Variants in PDE12 observed in about 807,000 individuals in gnomAD.
PDE12 encodes phosphodiesterase 12.
Under a neutral mutation model 45.4 loss-of-function variants are expected in PDE12, and 26 were observed. That is an observed-to-expected ratio of 0.57 (90% CI 0.42 to 0.79). The LOEUF is 0.79. Among genes scored for constraint, PDE12 ranks in the 30% least tolerant of loss-of-function variants. PDE12 has a pLI of 0.00. For synonymous variants in PDE12, 283 were observed against 323.9 expected (o/e 0.87, Z 1.36); for missense variants, 668 against 790.0 (o/e 0.85, Z 1.85).
At chr3:57,606,588 A>C in the PDE12 span, among the ~76,000 whole-genome samples, 10 of 152,294 alleles carry the variant, frequency 6.6e-5, no homozygotes, top group South Asian at 6.2e-4. Context: ...TTTAATTTAA[A>C]ACTTTTTTTA....
At chr3:57,608,219 C>A in the PDE12 span, among the ~76,000 whole-genome samples, 67 of 152,198 alleles carry the variant, frequency 4.4e-4, 1 homozygote, top group African/African-American at 4.3e-4. Flanking sequence ...GCCTGCCCTA[C>A]AAGAGCTCCT....
At chr3:57,652,139 C>A in the PDE12 span, among the ~76,000 whole-genome samples, 2 of 152,316 alleles carry the variant, frequency 1.3e-5, no homozygotes, top group South Asian at 4.1e-4. Flanking sequence ...CGTTCTTGAG[C>A]GCGGACTGGA....
At position 57,557,343 on chromosome 3, in the gene PDE12, G is replaced by C. The variant is rs769202759; in HGVS notation, c.964G>C (p.Ala322Pro). The part of the protein sequence containing the change: ...FSRTVLYPYC[A>P]PYALELDYRQ... ...GCGAACGGTTCTGTACCCATACTGT[G>C]CCCCCTACGCCCTGGAGCTCGACTA... Residue 322 changes from alanine (A) to proline (P), a missense_variant, in exon 1 of 3, where the codon GCC (alanine) becomes CCC (proline). Around this residue, in one of 3 missense-constraint regions of PDE12, gnomAD observed 580 missense variants for 662.9 expected, o/e 0.87. Transcript: ENST00000311180. 9.9e-6 allele frequency: 16 copies of C among 1,613,772 alleles called. No homozygotes were observed. The highest frequency in any genetic ancestry group is 1.3e-5 in the Non-Finnish European group (15 of 1,180,008).
At chr3:57,589,441 C>A in the PDE12 span, among the ~76,000 whole-genome samples, 121 of 151,938 alleles carry the variant, frequency 8.0e-4, 1 homozygote, top group East Asian at 0.022. Flanking sequence ...CAAACAAGGC[C>A]GGGCCCCGTG....
rs1287521854 is a variant in PDE12 at position 57,564,349 on chromosome 3, G to T, written c.*4345G>T. On this transcript the variant is annotated 3_prime_UTR_variant, in exon 3 of 3. Coordinates refer to ENST00000311180, the MANE Select transcript of PDE12 (RefSeq NM_177966.7). The stretch of plus-strand genomic sequence containing the variant: ...ATCCATGTTCATACTGTCAGTGTTA[G>T]ATTTTTACTCATAATTTAAAATTTC... The T allele has an allele frequency of 6.6e-6, 1 of 152,122 alleles. No individual in the cohort carries two copies. The highest frequency in any genetic ancestry group is 6.6e-5 in the Admixed American group (1 of 15,262). The allele number at this position is 152,122 out of a possible 1,614,324, so 9.4% of individuals were successfully genotyped here.
chr3:57,581,673 G>A, the PDE12 span, among the ~76,000 whole-genome samples: 2 of 152,164 alleles, frequency 1.3e-5, no homozygotes, highest in African/African-American at 4.8e-5. Context: ...GGTGGCGCAT[G>A]CCTGAAGTCC....
At chr3:57,577,503 AAAG>A in the PDE12 span, 5 of 789,618 alleles carry the variant, frequency 6.3e-6, no homozygotes, top group Non-Finnish European at 1.1e-5. Flanking sequence ...TGTCTCTTTA[AAAG>A]TAAGAACTTA....
At chr3:57,567,118 T>C (rs2069792312), downstream of PDE12, among the ~76,000 whole-genome samples, 2 of 152,114 alleles carry the variant, frequency 1.3e-5, no homozygotes, top group South Asian at 4.1e-4. Context: ...GAAACCAGCC[T>C]GGCCAACATG....
the PDE12 span, chr3:57,630,956 A>G: frequency 6.2e-7 from 1 of 1,613,466 alleles, no homozygotes; most frequent in East Asian, 2.2e-5. Context: ...CTGCAAAGGC[A>G]TCAAGCTTGC....
chr3:57,570,228 T>TTTTG (rs1237274541), downstream of PDE12, among the ~76,000 whole-genome samples: 5 of 143,864 alleles, frequency 3.5e-5, no homozygotes, highest in South Asian at 2.3e-4. Context: ...TGTTTTTTTT[T>TTTTG]TTTTTTTTTT....
chr3:57,584,335 T>C, the PDE12 span: 2 of 1,412,494 alleles, frequency 1.4e-6, no homozygotes, highest in Non-Finnish European at 1.0e-6. Flanking sequence ...CTGTATATAT[T>C]TCACTTTACA....
At chr3:57,584,081 TAGA>T in the PDE12 span, 1 of 1,047,884 alleles carries the variant, frequency 9.5e-7, no homozygotes, top group Non-Finnish European at 1.4e-6. Flanking sequence ...GGAATTTTCT[TAGA>T]ATAGTGTTTT....
chr3:57,614,732 A>G, the PDE12 span, among the ~76,000 whole-genome samples: 1 of 151,358 alleles, frequency 6.6e-6, no homozygotes, highest in Non-Finnish European at 1.5e-5. Context: ...ATTTTTTAGC[A>G]GAGGGAGGCC....
At position 57,561,027 on chromosome 3, in the gene PDE12, AAC is replaced by A. The variant is rs2069723077; in HGVS notation, c.*1027_*1028del. ...TAGTTTTTAGTGTATGGTACAAATGAACACAGTTTATATTCTAATTCTTACTG... is the reference window on the plus strand; with the variant it reads ...TAGTTTTTAGTGTATGGTACAAATGAACAGTTTATATTCTAATTCTTACTG... On this transcript the variant is annotated 3_prime_UTR_variant, in exon 3 of 3. Coordinates refer to ENST00000311180, the MANE Select transcript of PDE12 (RefSeq NM_177966.7). 1.0e-6 allele frequency: 1 copy of A among 975,972 alleles called. No individual in the cohort carries two copies. The highest frequency in any genetic ancestry group is 1.8e-5 in the African/African-American group (1 of 57,130). 60.5% of individuals were successfully genotyped at this position (975,972 alleles called of 1,614,324 possible).
chr3:57,560,293 A>C lies in PDE12; in HGVS notation c.*289A>C. The C allele has an allele frequency of 8.6e-7, 1 of 1,164,646 alleles. No homozygotes were observed. Among genetic ancestry groups the C allele is most frequent in the South Asian group, 3.0e-5 (1 of 32,928 alleles). 72.1% of individuals were successfully genotyped at this position (1,164,646 alleles called of 1,614,324 possible). A position where few individuals can be genotyped will look rare whatever the true frequency, so the allele number is the denominator to read the frequency against. ...TGAGACTCTCAGAAAAGGAAGATTGAATTAGCGTGTTTTTTGTTTGTTTGT... is the reference window on the plus strand; with the variant it reads ...TGAGACTCTCAGAAAAGGAAGATTGCATTAGCGTGTTTTTTGTTTGTTTGT... On this transcript the variant is annotated 3_prime_UTR_variant, in exon 3 of 3. Coordinates refer to ENST00000311180, the MANE Select transcript of PDE12 (RefSeq NM_177966.7).
At chr3:57,630,101 T>C in the PDE12 span, among the ~76,000 whole-genome samples, 1 of 152,186 alleles carries the variant, frequency 6.6e-6, no homozygotes, top group African/African-American at 2.4e-5. Context: ...TGTGAGCCAA[T>C]GCAAGTGGAC....
At chr3:57,605,182 G>T in the PDE12 span, among the ~76,000 whole-genome samples, 1 of 152,104 alleles carries the variant, frequency 6.6e-6, no homozygotes, top group Non-Finnish European at 1.5e-5. Context: ...GCACAGAAAC[G>T]GAACAGAGTA....
chr3:57,594,346 C>A, the PDE12 span, among the ~76,000 whole-genome samples: 2 of 152,128 alleles, frequency 1.3e-5, no homozygotes, highest in African/African-American at 4.8e-5. Context: ...ACCTGGCCTC[C>A]CAAAGTGCTG....
At chr3:57,627,613 C>T in the PDE12 span, 1 of 152,170 alleles carries the variant, frequency 6.6e-6, no homozygotes, top group Admixed American at 6.6e-5. Context: ...TTAATAAACA[C>T]AATGGGTAGC....
Sources: allele counts gnomAD v4.1 joint callset (sites outside exome capture counted in the v4.1 genomes callset), GRCh38; gene constraint gnomAD v4.1.1; regional missense constraint gnomAD v4.1.1; transcripts MANE v1.5; gene names NCBI Gene and HGNC (gene_info 2026-07-23, HGNC 2026-07-21).